The following PCSK1 variants were observed in gnomAD, a reference collection of about 807,000 sequenced individuals.
PCSK1 encodes the protein neuroendocrine convertase 1.
In PCSK1, 56 loss-of-function variants were observed where a neutral mutation model predicts 90.6. That is an observed-to-expected ratio of 0.62 (90% CI 0.50 to 0.77). The LOEUF (loss-of-function observed/expected upper bound fraction) is 0.77, where lower values mean the gene tolerates loss of function less well. Ranked by LOEUF, PCSK1 falls within the 30% of genes least tolerant of loss-of-function variation. The probability of loss-of-function intolerance (pLI) is 0.00; values close to 1 mark genes in which losing one functional copy is unlikely to be tolerated. For missense variants in PCSK1, 801 were observed against 932.6 expected (o/e 0.86, Z 1.84); for synonymous variants, 348 against 342.4 (o/e 1.02, Z -0.18).
chr5:96,425,763 A>G, intron 3 of PCSK1, 57 bp downstream of exon 3: 1 of 936,076 alleles, frequency 1.1e-6, no homozygotes, highest in Non-Finnish European at 1.8e-6. Flanking sequence ...CAAATGTAAC[A>G]ACATAAAGAA....
chr5:96,393,225 G>T lies in PCSK1; in HGVS notation c.2038C>A (p.Pro680Thr). Residue 680 changes from proline (P) to threonine (T), a missense_variant, in exon 14 of 14, where the codon CCG becomes ACG. By Grantham distance (38) the Pro-to-Thr change is conservative (BLOSUM62 -1). Transcript: ENST00000311106. Reference protein sequence around the residue: ...LLQSAFSKNSPPKQSPKKSPS... With the variant: ...LLQSAFSKNSTPKQSPKKSPS... ...GACTTCTTTGGTGATTGCTTTGGCG[G>T]TGAGTTTTTACTGAAAGCACTTTGC... 14 of 1,614,066 alleles carry T rather than the reference G, an allele frequency of 8.7e-6. No homozygotes were observed. The highest frequency in any genetic ancestry group is 1.2e-5 in the Non-Finnish European group (14 of 1,179,998).
chr5:96,394,801 T>C (rs1760072769), intron 13 of PCSK1, 63 bp downstream of exon 13: 11 of 1,505,076 alleles, frequency 7.3e-6, no homozygotes. Context: ...GGGTACAGCT[T>C]CACTGACTAC....
Position 96,393,312 on chromosome 5 carries a change from C to CGCT in PCSK1, c.1948_1950dup (p.Ser650dup). On this transcript the variant is annotated inframe_insertion, in exon 14 of 14. Transcript: ENST00000311106. The stretch of plus-strand genomic sequence containing the variant: ...TCCAACTCATCCCTCCGGCCCCCTA[C>CGCT]GCTGCTGCTGCTGGGGCTTTTGGAC... The CGCT allele has an allele frequency of 1.2e-6, 2 of 1,614,062 alleles. No homozygotes were observed. Among genetic ancestry groups the CGCT allele is most frequent in the Non-Finnish European group, 1.7e-6 (2 of 1,179,964 alleles).
intron 3 of PCSK1, among the ~76,000 whole-genome samples, chr5:96,424,509 A>G (rs1416049408): frequency 2.0e-5 from 3 of 152,286 alleles, no homozygotes; most frequent in African/African-American, 7.2e-5. Flanking sequence ...CTGTTTTTCC[A>G]TCTGTTAAAT....
At chr5:96,426,051 A>T in intron 2 of PCSK1, 121 bp from the exon 3 acceptor site, 1 of 701,776 alleles carries the variant, frequency 1.4e-6, no homozygotes, top group East Asian at 2.7e-5. Flanking sequence ...TTTTCATTTG[A>T]CTACAGATTA....
At chr5:96,403,150 G>A (rs971482865) in intron 9 of PCSK1, among the ~76,000 whole-genome samples, 2 of 152,078 alleles carry the variant, frequency 1.3e-5, no homozygotes, top group Admixed American at 1.3e-4. Context: ...TTCTGTAGTA[G>A]AGCATTTATT....
At chr5:96,398,173 CAG>C (rs1159617659) in intron 11 of PCSK1, among the ~76,000 whole-genome samples, 2 of 152,106 alleles carry the variant, frequency 1.3e-5, no homozygotes, top group African/African-American at 4.8e-5. Context: ...TCAAAATTAA[CAG>C]AGCCTATTCC....
chr5:96,393,163 G>A lies in PCSK1; in HGVS notation c.2100C>T (p.Phe700=). The change falls in exon 14 of 14, where the codon TTC becomes TTT. Residue 700 remains phenylalanine (F), a synonymous_variant. Transcript: ENST00000311106. ...TGTTCAGCTTTTCCAGGGCTTCGTA[G>A]AAGTTTTCATAAGGGATGTTGAGCT... ...SAKLNIPYEN[F]YEALEKLNKP... The A allele has an allele frequency of 6.2e-7, 1 of 1,614,166 alleles. No individual in the cohort carries two copies. Among genetic ancestry groups the A allele is most frequent in the East Asian group, 2.2e-5 (1 of 44,880 alleles).
At chr5:96,398,340 T>C (rs1580745512) in intron 11 of PCSK1, among the ~76,000 whole-genome samples, 2 of 152,292 alleles carry the variant, frequency 1.3e-5, no homozygotes, top group East Asian at 3.9e-4. Flanking sequence ...TGGCTTATGG[T>C]TCACGAGCTC....
chr5:96,401,547 T>C (rs1460655033), intron 9 of PCSK1, among the ~76,000 whole-genome samples: 2 of 152,226 alleles, frequency 1.3e-5, no homozygotes, highest in East Asian at 3.8e-4. Flanking sequence ...TTAGCAACAC[T>C]ATAAAGATAA....
At chr5:96,419,917 C>T (rs1278975820) in intron 5 of PCSK1, among the ~76,000 whole-genome samples, 10 of 152,164 alleles carry the variant, frequency 6.6e-5, no homozygotes, top group Admixed American at 3.3e-4. Context: ...ATCAAGAATT[C>T]GCCCACTATG....
intron 3 of PCSK1, among the ~76,000 whole-genome samples, chr5:96,424,619 A>G (rs557201491): frequency 1.4e-4 from 21 of 152,342 alleles, no homozygotes; most frequent in Non-Finnish European, 2.8e-4. Flanking sequence ...CAGGAAATGC[A>G]CAAGTGTTAA....
chr5:96,397,607 G>A lies in PCSK1; in HGVS notation c.1589-138C>T, dbSNP rs1455532969. 5 of 743,504 alleles carry A rather than the reference G, an allele frequency of 6.7e-6. No homozygotes were observed. The East Asian group carries it at 1.3e-4, about 20-fold the overall frequency. 46.1% of individuals were successfully genotyped at this position (743,504 alleles called of 1,614,324 possible). A position where few individuals can be genotyped will look rare whatever the true frequency, so the allele number is the denominator to read the frequency against. On this transcript the variant is annotated intron_variant, in intron 11 of 13. Coordinates refer to ENST00000311106, the MANE Select transcript of PCSK1 (RefSeq NM_000439.5). Reference sequence around the variant, plus strand: ...TCTTTTAGTATAAGACCAGGATAGAGACACTCACAAGGAAAAAATATGATG... The same window carrying A: ...TCTTTTAGTATAAGACCAGGATAGAAACACTCACAAGGAAAAAATATGATG...
At position 96,393,130 on chromosome 5, in the gene PCSK1, G is replaced by A. The variant is rs968471078; in HGVS notation, c.2133C>T (p.Ser711=). 2.5e-6 allele frequency: 4 copies of A among 1,614,128 alleles called. No homozygotes were observed. Among genetic ancestry groups the A allele is most frequent in the Non-Finnish European group, 3.4e-6 (4 of 1,180,006 alleles). ...GACTGTCTTCAGAGTCTTTAAGCTG[G>A]GAAGGTTTGTTCAGCTTTTCCAGGG... ...YEALEKLNKP[S]QLKDSEDSLY... Residue 711 remains serine, a synonymous_variant, in exon 14 of 14, where the codon TCC becomes TCT. Coordinates refer to ENST00000311106, the MANE Select transcript of PCSK1 (RefSeq NM_000439.5).
At chr5:96,432,218 G>C (rs1024811315) in intron 1 of PCSK1, 19 of 1,145,792 alleles carry the variant, frequency 1.7e-5, no homozygotes, top group Admixed American at 2.0e-5. Context: ...GAGCTCCCTA[G>C]AGAGTCGCGG....
At chr5:96,429,167 C>A in intron 2 of PCSK1, 46 bp downstream of exon 2, 1 of 948,016 alleles carries the variant, frequency 1.1e-6, no homozygotes, top group Non-Finnish European at 1.7e-6. Flanking sequence ...ATAAAGAAAG[C>A]AGATAAGCTA....
chr5:96,393,184 G>A lies in PCSK1; in HGVS notation c.2079C>T (p.Leu693=). The change falls in exon 14 of 14, where the codon CTC becomes CTT. Residue 693 remains leucine, a synonymous_variant. Transcript: ENST00000311106. ...CGTAGAAGTTTTCATAAGGGATGTT[G>A]AGCTTTGCACTTGGGGACTTCTTTG... ...QSPKKSPSAK[L]NIPYENFYEA... is the part of the protein sequence containing the mutation. 1 of 1,614,168 alleles carries A rather than the reference G, an allele frequency of 6.2e-7. No homozygotes were observed. The highest frequency in any genetic ancestry group is 8.5e-7 in the Non-Finnish European group (1 of 1,180,020).
At position 96,415,935 on chromosome 5, in the gene PCSK1, C is replaced by T. The variant is rs559342695; in HGVS notation, c.709+98G>A. 24 of 796,534 alleles carry T rather than the reference C, an allele frequency of 3.0e-5. No homozygotes were observed. In the South Asian group the frequency reaches 3.0e-4, roughly 10 times the overall value. The allele number at this position is 796,534 out of a possible 1,614,324, so 49.3% of individuals were successfully genotyped here. A position where few individuals can be genotyped will look rare whatever the true frequency, so the allele number is the denominator to read the frequency against. Reference sequence around the variant, plus strand: ...TTTGGCATGGAACTAATTTGTTCCTCCAGTTGTTAAAAAGAAAAGCTCCCC... The same window carrying T: ...TTTGGCATGGAACTAATTTGTTCCTTCAGTTGTTAAAAAGAAAAGCTCCCC... On this transcript the variant is annotated intron_variant, in intron 6 of 13. Coordinates refer to ENST00000311106, the MANE Select transcript of PCSK1 (RefSeq NM_000439.5).
chr5:96,403,582 T>G (rs1010905216), intron 9 of PCSK1, among the ~76,000 whole-genome samples: 4 of 152,236 alleles, frequency 2.6e-5, no homozygotes, highest in Admixed American at 2.6e-4. Flanking sequence ...AATTAAATTT[T>G]TAAACACTGC....
Sources: allele counts gnomAD v4.1 joint callset (sites outside exome capture counted in the v4.1 genomes callset), GRCh38; gene constraint gnomAD v4.1.1; transcripts MANE v1.5; gene names NCBI Gene and HGNC (gene_info 2026-07-23, HGNC 2026-07-21).